Variants in SLC24A2 observed in about 807,000 individuals in gnomAD.
SLC24A2 encodes the protein solute carrier family 24 member 2, also known as sodium/potassium/calcium exchanger 2.
A neutral mutation model predicts 62.0 loss-of-function variants in SLC24A2; 36 were observed. The observed-to-expected ratio is 0.58, with a 90% CI of 0.44 to 0.77. The LOEUF is 0.77. Ranked by LOEUF, SLC24A2 falls within the 30% of genes least tolerant of loss-of-function variation. The pLI, the probability that SLC24A2 is intolerant of heterozygous loss-of-function variation, is 0.00. For synonymous variants in SLC24A2, 358 were observed against 294.0 expected, an observed-to-expected ratio of 1.22 and a Z score of -2.23; for missense variants, 846 against 817.9, an observed-to-expected ratio of 1.03 and a Z score of -0.42.
the SLC24A2 span, among the ~76,000 whole-genome samples, chr9:20,235,383 A>G: frequency 6.6e-6 from 1 of 152,072 alleles, no homozygotes; most frequent in Non-Finnish European, 1.5e-5. Context: ...CCCAGTTCGA[A>G]CTTCCCGCCG....
the SLC24A2 span, among the ~76,000 whole-genome samples, chr9:19,985,655 G>A: frequency 6.6e-6 from 1 of 152,078 alleles, no homozygotes; most frequent in South Asian, 2.1e-4. Context: ...GGTTGTGGTG[G>A]TGGCTAAATG....
At chr9:19,564,973 G>C (rs1488991843) in intron 7 of SLC24A2, among the ~76,000 whole-genome samples, 1 of 152,086 alleles carries the variant, frequency 6.6e-6, no homozygotes, top group Non-Finnish European at 1.5e-5. Flanking sequence ...CTGGGTGGGA[G>C]AGCATATTGC....
rs959829890 is a variant in SLC24A2, at chr9:19,732,270, T to C, written c.930+53667A>G. On this transcript the variant is annotated intron_variant, in intron 2 of 10. Transcript: ENST00000341998. ...AGTGGTTTAGCCCCCCTGGCTGGCA[T>C]TGAAGAGGCAGAGGTTGTGGGATTA... 1.2e-4 allele frequency among the ~76,000 whole-genome samples: 18 copies of C among 152,280 alleles called. No individual in the cohort carries two copies. In the South Asian group the frequency reaches 1.2e-3, roughly 11 times the overall value.
chr9:20,060,324 C>G, the SLC24A2 span, among the ~76,000 whole-genome samples: 25,798 of 152,036 alleles, frequency 0.17, 2,216 homozygotes, highest in East Asian at 0.22. Flanking sequence ...CTTTATTCCT[C>G]ATACCAAAGT....
At position 19,700,350 on chromosome 9, in the gene SLC24A2, C is replaced by T. The variant is rs565533955; in HGVS notation, c.931-78051G>A. 3.3e-5 allele frequency among the ~76,000 whole-genome samples: 5 copies of T among 152,292 alleles called. No individual in the cohort carries two copies. In the South Asian group the frequency reaches 1.0e-3, roughly 32 times the overall value. On this transcript the variant is annotated intron_variant, in intron 2 of 10. Coordinates refer to ENST00000341998, the MANE Select transcript of SLC24A2 (RefSeq NM_020344.4). ...CTTTCTTAGGCTCTGTCTTTCCCCA[C>T]TCCACTCTTACTCTGAAACAAGGAT... is the stretch of plus-strand genomic sequence containing the variant.
chr9:19,549,928 C>A (rs1488419393), intron 8 of SLC24A2, among the ~76,000 whole-genome samples: 1 of 152,176 alleles, frequency 6.6e-6, no homozygotes, highest in African/African-American at 2.4e-5. Flanking sequence ...TCAGAGAAAT[C>A]TGTATATTCT....
At chr9:20,089,192 C>G in the SLC24A2 span, among the ~76,000 whole-genome samples, 49 of 152,228 alleles carry the variant, frequency 3.2e-4, no homozygotes, top group East Asian at 8.3e-3. Flanking sequence ...TCTGCAGGGA[C>G]CAGAAACTGG....
Position 19,567,560 on chromosome 9 carries a change from AAAAAG to A in SLC24A2, c.1347+5786_1347+5790del, listed in dbSNP as rs201863104. Among the ~76,000 whole-genome samples the A allele has an allele frequency of 1.7e-3, 218 of 128,388 alleles. 2 individuals are homozygous for A. The highest frequency in any genetic ancestry group is 7.2e-3 in the Middle Eastern group (2 of 278). The allele number at this position is 128,388 out of a possible 152,430, so 84.2% of individuals were successfully genotyped here. ...ACTCCATCTCAAAAAAAAAAAAAAA[AAAAAG>A]GTAAGGAATATGTTCTTATAATTTT... On this transcript the variant is annotated intron_variant, in intron 7 of 10. Coordinates refer to ENST00000341998, the MANE Select transcript of SLC24A2 (RefSeq NM_020344.4).
chr9:20,079,434 C>G, the SLC24A2 span, among the ~76,000 whole-genome samples: 1 of 152,108 alleles, frequency 6.6e-6, no homozygotes, highest in African/African-American at 2.4e-5. Flanking sequence ...CATACATATG[C>G]CTTGCTTTTC....
chr9:19,861,901 C>G, the SLC24A2 span, among the ~76,000 whole-genome samples: 1 of 150,754 alleles, frequency 6.6e-6, no homozygotes, highest in African/African-American at 2.4e-5. Context: ...TCAGAGGAAA[C>G]AAAAGAAAAA....
At chr9:19,996,578 A>G in the SLC24A2 span, among the ~76,000 whole-genome samples, 20 of 151,838 alleles carry the variant, frequency 1.3e-4, no homozygotes, top group African/African-American at 4.6e-4. Context: ...TGTCTCTACT[A>G]AAAAAATACA....
intron 2 of SLC24A2, among the ~76,000 whole-genome samples, chr9:19,765,988 T>G (rs1164443164): frequency 6.6e-6 from 1 of 152,222 alleles, no homozygotes; most frequent in African/African-American, 2.4e-5. Context: ...GAGGCTTTGT[T>G]CATTCCTTTT....
chr9:20,070,393 T>C, the SLC24A2 span, among the ~76,000 whole-genome samples: 1 of 152,240 alleles, frequency 6.6e-6, no homozygotes, highest in African/African-American at 2.4e-5. Flanking sequence ...CACCATTTAT[T>C]ACTCTTATCA....
rs201117303 is a variant in SLC24A2, at chr9:19,528,055, C to G, written c.1563G>C (p.Ala521=). 5.7e-6 allele frequency: 9 copies of G among 1,576,026 alleles called. No individual in the cohort carries two copies. In the East Asian group the frequency reaches 1.1e-4, roughly 20 times the overall value. Residue 521 remains alanine (A), a synonymous_variant, in exon 9 of 11, where the codon GCG becomes GCC. Coordinates refer to ENST00000341998, the MANE Select transcript of SLC24A2 (RefSeq NM_020344.4). ...AVFSYLMVWW[A]HQVGETIGIS... ...GTCACTATCAAAATCTTACCTGGTG[C>G]GCCCACCAGACCATCAAGTAAGAGA...
At chr9:19,702,100 A>C (rs1056220394) in intron 2 of SLC24A2, among the ~76,000 whole-genome samples, 1 of 152,208 alleles carries the variant, frequency 6.6e-6, no homozygotes, top group African/African-American at 2.4e-5. Context: ...GAATTAATAA[A>C]ACTCCTTTTT....
At chr9:20,243,965 G>A in the SLC24A2 span, among the ~76,000 whole-genome samples, 1 of 152,112 alleles carries the variant, frequency 6.6e-6, no homozygotes. Context: ...GGGGAGGAGG[G>A]GGATCAGGCG....
At chr9:20,133,387 C>T in the SLC24A2 span, among the ~76,000 whole-genome samples, 5 of 151,978 alleles carry the variant, frequency 3.3e-5, no homozygotes, top group African/African-American at 1.2e-4. Context: ...ACAATATAAG[C>T]AAAATTTTTA....
intron 2 of SLC24A2, among the ~76,000 whole-genome samples, chr9:19,713,614 G>C (rs1221175238): frequency 6.6e-6 from 1 of 152,074 alleles, no homozygotes; most frequent in Non-Finnish European, 1.5e-5. Flanking sequence ...ATAATGAGAA[G>C]AAGTCCTGAT....
At chr9:20,034,486 G>A in the SLC24A2 span, among the ~76,000 whole-genome samples, 3 of 117,358 alleles carry the variant, frequency 2.6e-5, no homozygotes, top group Admixed American at 3.3e-4. Context: ...TTGAGACGGA[G>A]TCTCTCTCTG....
Sources: gnomAD v4.1 joint callset for allele counts (sites outside exome capture counted in the v4.1 genomes callset) on GRCh38, gnomAD v4.1.1 for gene constraint, MANE v1.5 for transcripts, NCBI Gene and HGNC (gene_info 2026-07-23, HGNC 2026-07-21) for gene names.